Variants in ANAPC11 observed in about 807,000 individuals in gnomAD.
ANAPC11 encodes the protein anaphase-promoting complex subunit 11.
A neutral mutation model predicts 11.8 loss-of-function variants in ANAPC11; 5 were observed. The observed-to-expected ratio is 0.42, with a 90% CI of 0.22 to 0.89. ANAPC11 has a LOEUF of 0.89. Ranked by LOEUF, ANAPC11 falls within the 40% of genes least tolerant of loss-of-function variation. The pLI is 0.28. For synonymous variants in ANAPC11, 45 were observed against 41.0 expected (o/e 1.10, Z -0.38); for missense variants, 68 against 112.9 (o/e 0.60, Z 1.80).
At chr17:81,895,793 C>T (rs746277088) in intron 3 of ANAPC11, among the ~76,000 whole-genome samples, 3 of 152,236 alleles carry the variant, frequency 2.0e-5, no homozygotes, top group South Asian at 2.1e-4. Flanking sequence ...CATAGTGAAA[C>T]GCCATCTCTA....
chr17:81,891,921 C>T (rs965693360), intron 1 of ANAPC11, 80 bp downstream of exon 1: 16 of 179,820 alleles, frequency 8.9e-5, no homozygotes, highest in Non-Finnish European at 1.9e-4. Context: ...ACGCGCCCCT[C>T]CCTCCCCGCA....
chr17:81,891,630 GT>G (rs2039533379), upstream of ANAPC11: 5 of 1,328,026 alleles, frequency 3.8e-6, no homozygotes, highest in Middle Eastern at 2.1e-4. Context: ...CCGGCGCCGC[GT>G]GAGGCCTTCC....
chr17:81,900,302 C>T (rs780979254), downstream of ANAPC11: 30 of 603,648 alleles, frequency 5.0e-5, 2 homozygotes, highest in Admixed American at 1.6e-4. Context: ...GATGTGGTCT[C>T]GGTGTGTTTT....
downstream of ANAPC11, chr17:81,900,345 T>A: frequency 2.0e-6 from 1 of 503,910 alleles, no homozygotes; most frequent in East Asian, 3.8e-5. Flanking sequence ...AACATCTCCG[T>A]GAAACGCCAA....
upstream of ANAPC11, chr17:81,891,602 C>T: frequency 2.2e-6 from 3 of 1,384,330 alleles, no homozygotes; most frequent in South Asian, 1.3e-5. Context: ...CGCGCGTCAG[C>T]ACGCCGGCAC....
At chr17:81,899,639 A>C in intron 3 of ANAPC11, 1 of 1,381,154 alleles carries the variant, frequency 7.2e-7, no homozygotes, top group Non-Finnish European at 9.8e-7. Context: ...TGGGCTCCCC[A>C]CTGAGCATGA....
At chr17:81,899,266 C>G in intron 3 of ANAPC11, 1 of 1,612,246 alleles carries the variant, frequency 6.2e-7, no homozygotes, top group Non-Finnish European at 8.5e-7. Context: ...GAAAGCATTT[C>G]TAGGTGTTTG....
At chr17:81,899,371 G>T in intron 3 of ANAPC11, 1 of 1,613,856 alleles carries the variant, frequency 6.2e-7, no homozygotes, top group Non-Finnish European at 8.5e-7. Flanking sequence ...CAGCACACCG[G>T]ATCCCTGATG....
chr17:81,899,784 C>T (rs1468050341), intron 3 of ANAPC11, 136 bp from the exon 4 acceptor site: 42 of 1,029,574 alleles, frequency 4.1e-5, no homozygotes, highest in South Asian at 1.7e-4. Flanking sequence ...CTCCTGATTT[C>T]GGCTTCTCTG....
chr17:81,892,260 C>T (rs1285968876), intron 1 of ANAPC11, among the ~76,000 whole-genome samples: 3 of 152,024 alleles, frequency 2.0e-5, no homozygotes, highest in African/African-American at 7.2e-5. Context: ...TTCGCTTCAG[C>T]CCAGGAGTTT....
At chr17:81,897,515 C>T (rs530352655) in intron 3 of ANAPC11, among the ~76,000 whole-genome samples, 1 of 151,972 alleles carries the variant, frequency 6.6e-6, no homozygotes, top group Non-Finnish European at 1.5e-5. Flanking sequence ...CTTGCTGTCA[C>T]CCAGGCGGCA....
At chr17:81,895,310 C>A (rs2039701400) in intron 3 of ANAPC11, among the ~76,000 whole-genome samples, 1 of 152,086 alleles carries the variant, frequency 6.6e-6, no homozygotes, top group Non-Finnish European at 1.5e-5. Flanking sequence ...CTCAGCCTCC[C>A]AAAGGGATGG....
At chr17:81,898,555 G>C (rs1016573982) in intron 3 of ANAPC11, 2 of 152,320 alleles carry the variant, frequency 1.3e-5, no homozygotes, top group African/African-American at 4.8e-5. Context: ...CGCGCAAAGC[G>C]TTTGACGAGT....
In ANAPC11 at chr17:81,900,090, G is replaced by C; in HGVS notation, c.*25G>C. On this transcript the variant is annotated 3_prime_UTR_variant, in exon 4 of 4. Coordinates refer to ENST00000344877, the MANE Select transcript of ANAPC11 (RefSeq NM_001002248.3). ...AGGCCCGACCTGGCTCTCGCTGGAGGGGCATCCTGAGACTCCTTCCTCATG... is the reference window on the plus strand; with the variant it reads ...AGGCCCGACCTGGCTCTCGCTGGAGCGGCATCCTGAGACTCCTTCCTCATG... 6.2e-7 allele frequency: 1 copy of C among 1,611,444 alleles called. No individual in the cohort carries two copies. The highest frequency in any genetic ancestry group is 1.3e-5 in the African/African-American group (1 of 75,042).
chr17:81,890,985 G>A (rs1401882344), upstream of ANAPC11: 6 of 1,058,610 alleles, frequency 5.7e-6, no homozygotes, highest in Admixed American at 2.7e-5. Flanking sequence ...GCCCGAGGCC[G>A]CACGGTCCCA....
At chr17:81,891,184 C>A, upstream of ANAPC11, 1 of 595,780 alleles carries the variant, frequency 1.7e-6, no homozygotes, top group Non-Finnish European at 2.3e-6. Context: ...TCCGCGCCCA[C>A]ACGCACCCTC....
chr17:81,891,670 T>C (rs542549233), upstream of ANAPC11: 163 of 1,158,976 alleles, frequency 1.4e-4, 2 homozygotes, highest in East Asian at 8.6e-3. Flanking sequence ...CGGCTGCTGA[T>C]TGGCCGCTGG....
At chr17:81,891,600 A>C, upstream of ANAPC11, 1 of 1,388,128 alleles carries the variant, frequency 7.2e-7, no homozygotes. Context: ...CCCGCGCGTC[A>C]GCACGCCGGC....
At chr17:81,894,392 A>C in intron 2 of ANAPC11, 75 bp from the exon 3 acceptor site, 3 of 823,918 alleles carry the variant, frequency 3.6e-6, no homozygotes, top group Non-Finnish European at 6.0e-6. Flanking sequence ...TGGCAGGCTT[A>C]TACCTGTGTT....
Sources: allele counts gnomAD v4.1 joint callset (sites outside exome capture counted in the v4.1 genomes callset), GRCh38; gene constraint gnomAD v4.1.1; transcripts MANE v1.5; gene names NCBI Gene and HGNC (gene_info 2026-07-23, HGNC 2026-07-21).